The following EFCAB13 variants were observed in gnomAD, a reference collection of about 807,000 sequenced individuals.
The protein encoded by EFCAB13 is EF-hand calcium binding domain 13, also known as EF-hand calcium-binding domain-containing protein 13.
EFCAB13 carries 91 observed loss-of-function variants against 110.2 expected under a neutral mutation model. The ratio of observed to expected loss-of-function variants is 0.83; its 90% CI spans 0.70 to 0.98. The LOEUF is 0.98. Among genes scored for constraint, EFCAB13 ranks in the 50% least tolerant of loss-of-function variants. The pLI, the probability that EFCAB13 is intolerant of heterozygous loss-of-function variation, is 0.00. For synonymous variants in EFCAB13, 323 were observed against 369.9 expected (o/e 0.87, Z 1.45); for missense variants, 968 against 1,119.4 (o/e 0.86, Z 1.93).
At chr17:47,377,203 T>A (rs1005524383) in intron 12 of EFCAB13, among the ~76,000 whole-genome samples, 16 of 151,808 alleles carry the variant, frequency 1.1e-4, no homozygotes, top group African/African-American at 3.9e-4. Flanking sequence ...ACACACACAC[T>A]CAGGCTGGAA....
intron 6 of EFCAB13, among the ~76,000 whole-genome samples, chr17:47,342,362 A>G (rs2065390458): frequency 1.3e-5 from 2 of 152,068 alleles, no homozygotes; most frequent in South Asian, 2.1e-4. Flanking sequence ...CATAACTCCA[A>G]TCTCTGCCTC....
At chr17:47,374,996 T>G in intron 12 of EFCAB13, 30 bp downstream of exon 12, 1 of 1,524,388 alleles carries the variant, frequency 6.6e-7, no homozygotes. Flanking sequence ...CTTGAGTTCT[T>G]CAGTCATCAC....
intron 10 of EFCAB13, among the ~76,000 whole-genome samples, chr17:47,364,932 T>C (rs2065537810): frequency 6.6e-6 from 1 of 152,212 alleles, no homozygotes; most frequent in Non-Finnish European, 1.5e-5. Context: ...TCTTGCCAAA[T>C]AGCTGTTGCA....
rs952110453 is a variant in EFCAB13 at position 47,326,358 on chromosome 17, T to A, written c.-115T>A. On this transcript the variant is annotated 5_prime_UTR_variant, in exon 3 of 25. Transcript: ENST00000331493. ...TTCAAAACGTGTCAACTCTGCTTAA[T>A]TAAGCACTTTGATGATTTAAGAAAT... 1 of 152,198 alleles carries A rather than the reference T, an allele frequency of 6.6e-6. No homozygotes were observed. Among genetic ancestry groups the A allele is most frequent in the Non-Finnish European group, 1.5e-5 (1 of 68,022 alleles). The allele number at this position is 152,198 out of a possible 1,614,324, so 9.4% of individuals were successfully genotyped here.
chr17:47,327,156 ATTTTGTTTTGTTTTC>A (rs2065290717), intron 3 of EFCAB13, among the ~76,000 whole-genome samples: 1 of 151,906 alleles, frequency 6.6e-6, no homozygotes. Context: ...TTCTTTCTTT[ATTTTGTTTTGTTTTC>A]TTTTGTTTTG....
rs78865644 is a variant in EFCAB13 at position 47,361,422 on chromosome 17, C to A, written c.706C>A (p.Arg236=). ...LKIFCRIKGG[R]VSTDDVFAVL... is the part of the protein sequence containing the mutation. ...GATTTTCTGTAGGATAAAAGGTGGT[C>A]GAGTTTCAACTGATGACGTGTTTGC... Residue 236 remains arginine, a synonymous_variant, in exon 10 of 25, where the codon CGA becomes AGA. Transcript: ENST00000331493. 2.5e-6 allele frequency: 4 copies of A among 1,613,384 alleles called. No homozygotes were observed. Among genetic ancestry groups the A allele is most frequent in the Non-Finnish European group, 3.4e-6 (4 of 1,179,768 alleles).
intron 22 of EFCAB13, among the ~76,000 whole-genome samples, chr17:47,414,554 C>G (rs1210914983): frequency 6.6e-6 from 1 of 150,708 alleles, no homozygotes; most frequent in Non-Finnish European, 1.5e-5. Context: ...GTATGCACAT[C>G]ACAGAATTAT....
At chr17:47,336,503 T>C (rs2065351357) in intron 5 of EFCAB13, among the ~76,000 whole-genome samples, 1 of 151,842 alleles carries the variant, frequency 6.6e-6, no homozygotes, top group Non-Finnish European at 1.5e-5. Context: ...ATGTTAGCCA[T>C]GATGGTCTCG....
At chr17:47,372,921 A>G (rs4494612) in intron 11 of EFCAB13, among the ~76,000 whole-genome samples, 13,359 of 152,136 alleles carry the variant, frequency 0.088, 847 homozygotes, top group East Asian at 0.35. Context: ...TCATCTGATT[A>G]GAGGCATTTG....
intron 5 of EFCAB13, among the ~76,000 whole-genome samples, chr17:47,336,781 T>C (rs926925599): frequency 6.6e-6 from 1 of 152,100 alleles, no homozygotes; most frequent in Non-Finnish European, 1.5e-5. Context: ...GTATACTGCA[T>C]TGCCTGGTTG....
At chr17:47,405,640 T>C (rs542249769) in intron 20 of EFCAB13, among the ~76,000 whole-genome samples, 8 of 152,056 alleles carry the variant, frequency 5.3e-5, no homozygotes, top group African/African-American at 1.7e-4. Flanking sequence ...AGGACAGCCC[T>C]ATGCACTTCT....
intron 2 of EFCAB13, among the ~76,000 whole-genome samples, chr17:47,325,345 A>G (rs1336903239): frequency 6.6e-6 from 1 of 151,958 alleles, no homozygotes; most frequent in Non-Finnish European, 1.5e-5. Context: ...CTCTTGAAGT[A>G]CTTTCTTCAC....
intron 24 of EFCAB13, among the ~76,000 whole-genome samples, chr17:47,432,409 A>AATAAATAC: frequency 8.0e-6 from 1 of 125,594 alleles, no homozygotes; most frequent in East Asian, 3.8e-4. Context: ...AAAATAAATA[A>AATAAATAC]ATAAATAAAT....
chr17:47,429,947 A>G lies in EFCAB13; in HGVS notation c.2624A>G (p.His875Arg). Reference sequence around the variant, plus strand: ...GCTATACTTACTGTAATGTTAAGACATGTACCTGAACATGGTTAGTAGTTT... The same window carrying G: ...GCTATACTTACTGTAATGTTAAGACGTGTACCTGAACATGGTTAGTAGTTT... The part of the protein sequence containing the change: ...ANAILTVMLR[H>R]VPEHESGKVS... Residue 875 changes from histidine to arginine, a missense_variant, in exon 24 of 25, where the codon CAT (histidine) becomes CGT (arginine). Coordinates refer to ENST00000331493, the MANE Select transcript of EFCAB13 (RefSeq NM_152347.5). The G allele has an allele frequency of 6.2e-7, 1 of 1,605,230 alleles. No homozygotes were observed. The highest frequency in any genetic ancestry group is 1.1e-5 in the South Asian group (1 of 89,864).
chr17:47,430,119 G>T, intron 24 of EFCAB13, 158 bp downstream of exon 24: 1 of 1,283,588 alleles, frequency 7.8e-7, no homozygotes, highest in South Asian at 2.8e-5. Flanking sequence ...TGCCAACCCT[G>T]AGCTTCATGG....
chr17:47,351,136 A>G (rs896359420), intron 9 of EFCAB13, among the ~76,000 whole-genome samples: 20 of 152,152 alleles, frequency 1.3e-4, no homozygotes, highest in African/African-American at 3.4e-4. Flanking sequence ...GCTCCCACCT[A>G]TAAATTTGGC....
chr17:47,402,189 C>A lies in EFCAB13; in HGVS notation c.2003C>A (p.Ala668Asp). The A allele has an allele frequency of 6.2e-7, 1 of 1,613,470 alleles. No homozygotes were observed. The highest frequency in any genetic ancestry group is 1.3e-5 in the African/African-American group (1 of 75,032). Residue 668 changes from alanine (A) to aspartate (D), a missense_variant, in exon 18 of 25, where the codon GCT (alanine) becomes GAT (aspartate). By Grantham distance (126) the Ala-to-Asp change is moderately radical (BLOSUM62 -2). Transcript: ENST00000331493. ...FAKVVRNMRDAARLEELQEVV... is the reference protein window; with the variant it reads ...FAKVVRNMRDDARLEELQEVV... ...AAAGTAGTAAGGAATATGCGTGATGCTGCCAGGTTAGAAGGTAAGTACTGA... is the reference window on the plus strand; with the variant it reads ...AAAGTAGTAAGGAATATGCGTGATGATGCCAGGTTAGAAGGTAAGTACTGA...
intron 9 of EFCAB13, among the ~76,000 whole-genome samples, chr17:47,355,871 G>T (rs181690640): frequency 1.8e-4 from 27 of 152,068 alleles, no homozygotes; most frequent in African/African-American, 5.8e-4. Flanking sequence ...GCACCCAGCA[G>T]TGCTGGGTGC....
chr17:47,384,771 AC>A (rs1461150499), intron 14 of EFCAB13, among the ~76,000 whole-genome samples: 2 of 149,056 alleles, frequency 1.3e-5, no homozygotes, highest in African/African-American at 4.9e-5. Flanking sequence ...GCTGCCCTTA[AC>A]TTTTTTTTTT....
Sources: gnomAD v4.1 joint callset for allele counts (sites outside exome capture counted in the v4.1 genomes callset) on GRCh38, gnomAD v4.1.1 for gene constraint, MANE v1.5 for transcripts, NCBI Gene and HGNC (gene_info 2026-07-23, HGNC 2026-07-21) for gene names.